ISM1: variants seen among roughly 807,000 people sequenced by gnomAD.
ISM1 encodes isthmin 1.
Under a neutral mutation model 46.3 loss-of-function variants are expected in ISM1, and 25 were observed. The observed-to-expected ratio is 0.54, with a 90% CI of 0.39 to 0.75. The LOEUF is 0.75. ISM1 is among the 30% of genes least tolerant of loss of function. The pLI is 0.00. For missense variants in ISM1, 536 were observed against 625.4 expected, an observed-to-expected ratio of 0.86 and a Z score of 1.52; for synonymous variants, 255 against 256.7, an observed-to-expected ratio of 0.99 and a Z score of 0.06.
chr20:13,289,364 A>T (rs2040328479), intron 4 of ISM1, among the ~76,000 whole-genome samples: 1 of 152,200 alleles, frequency 6.6e-6, no homozygotes, highest in Non-Finnish European at 1.5e-5. Context: ...CCCACCGGTA[A>T]TACCAGAGAG....
chr20:13,236,860 C>G (rs181050366), intron 1 of ISM1, among the ~76,000 whole-genome samples: 1 of 152,336 alleles, frequency 6.6e-6, no homozygotes, highest in East Asian at 1.9e-4. Flanking sequence ...TGGTCTTGGG[C>G]AGCTCTGCCC....
intron 5 of ISM1, among the ~76,000 whole-genome samples, chr20:13,298,642 T>C (rs545326801): frequency 1.3e-5 from 2 of 152,302 alleles, no homozygotes; most frequent in Admixed American, 6.5e-5. Flanking sequence ...ATAAGAATAT[T>C]CTCTACTTTT....
chr20:13,221,697 C>T lies in ISM1; in HGVS notation c.-80C>T. ...GGAGCCGCGCTGCCGGGCTCCCGGG[C>T]TCCTACTCCTCCTCCCCCGGCGTCA... is the stretch of plus-strand genomic sequence containing the variant. On this transcript the variant is annotated 5_prime_UTR_variant, in exon 1 of 6. Transcript: ENST00000262487. 8.2e-7 allele frequency: 1 copy of T among 1,215,636 alleles called. No homozygotes were observed. The allele number at this position is 1,215,636 out of a possible 1,614,324, so 75.3% of individuals were successfully genotyped here.
intron 5 of ISM1, among the ~76,000 whole-genome samples, chr20:13,297,383 C>T (rs773818334): frequency 4.4e-4 from 67 of 152,158 alleles, no homozygotes; most frequent in Non-Finnish European, 7.4e-4. Flanking sequence ...TGCTCCACAC[C>T]CTGTATTAGC....
rs189940458 is a variant in ISM1, at chr20:13,221,967, G to C, written c.138+53G>C. ...CGCGGCTGCGGGGACGGTTTGTGGG[G>C]CGGGGGTGCTGAGCTAGTGCCGGGT... On this transcript the variant is annotated intron_variant, in intron 1 of 5. Coordinates refer to ENST00000262487, the MANE Select transcript of ISM1 (RefSeq NM_080826.2). 1,462 of 1,296,922 alleles carry C rather than the reference G, an allele frequency of 1.1e-3. 44 individuals carry two copies. In the Admixed American group the frequency reaches 0.053, roughly 47 times the overall value. The allele number at this position is 1,296,922 out of a possible 1,614,324, so 80.3% of individuals were successfully genotyped here. A position where few individuals can be genotyped will look rare whatever the true frequency, so the allele number is the denominator to read the frequency against.
rs373209074 is a variant in ISM1 at position 13,279,762 on chromosome 20, C to A, written c.507C>A (p.Ala169=). ...GGTGGCAGAGGTCCCTGTCCTTGGC[C>A]AGGGCAAACAGCGGGGACCAGGACT... ...RAWWQRSLSL[A]RANSGDQDYK... The change falls in exon 3 of 6, where the codon GCC becomes GCA. Residue 169 remains alanine, a synonymous_variant. Transcript: ENST00000262487. The A allele has an allele frequency of 6.2e-7, 1 of 1,614,034 alleles. No homozygotes were observed. Among genetic ancestry groups the A allele is most frequent in the Non-Finnish European group, 8.5e-7 (1 of 1,179,894 alleles).
chr20:13,280,011 T>G, intron 3 of ISM1, 113 bp downstream of exon 3: 2 of 1,038,280 alleles, frequency 1.9e-6, no homozygotes, highest in Non-Finnish European at 2.7e-6. Flanking sequence ...TGGTCTTCTG[T>G]GAGGCAAACC....
At chr20:13,292,625 A>G (rs1355234107) in intron 5 of ISM1, among the ~76,000 whole-genome samples, 162 bp downstream of exon 5, 1 of 152,162 alleles carries the variant, frequency 6.6e-6, no homozygotes, top group Non-Finnish European at 1.5e-5. Context: ...ACTTCAAGCA[A>G]GAGAAAACAG....
In ISM1 at chr20:13,234,957, G is replaced by A. The variant is rs534831359; in HGVS notation, c.138+13043G>A. On this transcript the variant is annotated intron_variant, in intron 1 of 5. Coordinates refer to ENST00000262487, the MANE Select transcript of ISM1 (RefSeq NM_080826.2). ...AGGTCCCCAGATTAATCATATGCAG[G>A]TCATGGTTTGAGAAACACTGGTCTA... Among the ~76,000 whole-genome samples, 6 of 152,264 alleles carry A rather than the reference G, an allele frequency of 3.9e-5. No individual in the cohort carries two copies. The East Asian group carries it at 9.6e-4, about 24-fold the overall frequency.
intron 2 of ISM1, among the ~76,000 whole-genome samples, chr20:13,277,622 T>C (rs2040194566): frequency 6.7e-6 from 1 of 148,852 alleles, no homozygotes; most frequent in Non-Finnish European, 1.5e-5. Flanking sequence ...ATGTATTCCT[T>C]TTCTTTTCTT....
the ISM1 span, among the ~76,000 whole-genome samples, chr20:13,308,900 G>A: frequency 6.6e-6 from 1 of 152,132 alleles, no homozygotes; most frequent in East Asian, 1.9e-4. Context: ...TTTCCACCAT[G>A]TAAGCACAAA....
the ISM1 span, among the ~76,000 whole-genome samples, chr20:13,314,310 ACCCC>A: frequency 6.6e-6 from 1 of 152,002 alleles, no homozygotes; most frequent in African/African-American, 2.4e-5. Flanking sequence ...AAAAAGAAAA[ACCCC>A]TACACCTAGG....
the ISM1 span, among the ~76,000 whole-genome samples, chr20:13,321,213 A>G: frequency 6.7e-6 from 1 of 149,832 alleles, no homozygotes; most frequent in African/African-American, 2.5e-5. Context: ...AAAACAATAA[A>G]AAGAGATCGT....
chr20:13,228,949 A>G (rs2039558556), intron 1 of ISM1, among the ~76,000 whole-genome samples: 1 of 152,178 alleles, frequency 6.6e-6, no homozygotes, highest in Non-Finnish European at 1.5e-5. Flanking sequence ...AGTAAATATC[A>G]GATGCAAATG....
chr20:13,290,607 G>A (rs1045344883), intron 4 of ISM1, among the ~76,000 whole-genome samples: 10 of 152,186 alleles, frequency 6.6e-5, no homozygotes, highest in East Asian at 5.8e-4. Context: ...CAAGTGAGCC[G>A]AGATCGGGCC....
intron 1 of ISM1, chr20:13,239,697 G>T (rs1389122876): frequency 6.6e-6 from 1 of 152,208 alleles, no homozygotes; most frequent in East Asian, 1.9e-4. Context: ...TGTTTAGAAG[G>T]CAGGTTGCAG....
At chr20:13,316,100 G>T in the ISM1 span, among the ~76,000 whole-genome samples, 1 of 151,880 alleles carries the variant, frequency 6.6e-6, no homozygotes, top group Non-Finnish European at 1.5e-5. Context: ...TATCAGAAAT[G>T]AAAGAGTGGA....
chr20:13,251,028 T>C (rs1290063734), intron 1 of ISM1, among the ~76,000 whole-genome samples: 1 of 152,242 alleles, frequency 6.6e-6, no homozygotes, highest in Non-Finnish European at 1.5e-5. Context: ...TGACCATTGA[T>C]TGCTTTGTAT....
chr20:13,274,645 A>G (rs1356943201), intron 2 of ISM1, among the ~76,000 whole-genome samples: 1 of 151,940 alleles, frequency 6.6e-6, no homozygotes, highest in Non-Finnish European at 1.5e-5. Context: ...GCAAGAGTCC[A>G]CGTCCCGCCC....
Sources: gnomAD v4.1 joint callset for allele counts (sites outside exome capture counted in the v4.1 genomes callset) on GRCh38, gnomAD v4.1.1 for gene constraint, MANE v1.5 for transcripts, NCBI Gene and HGNC (gene_info 2026-07-23, HGNC 2026-07-21) for gene names.